The following KIF26A variants were observed in gnomAD, a reference collection of about 807,000 sequenced individuals.
The protein encoded by KIF26A is kinesin-like protein KIF26A.
In KIF26A, 74 loss-of-function variants were observed where a neutral mutation model predicts 126.0. The ratio of observed to expected loss-of-function variants is 0.59; its 90% confidence interval spans 0.49 to 0.71. The LOEUF (loss-of-function observed/expected upper bound fraction) is 0.71. KIF26A is among the 30% of genes least tolerant of loss of function. The probability of loss-of-function intolerance (pLI) is 0.00; values close to 1 mark genes in which losing one functional copy is unlikely to be tolerated. For synonymous variants in KIF26A, 1,445 were observed against 1,232.7 expected (o/e 1.17, Z -3.61); for missense variants, 2,984 against 2,763.3 (o/e 1.08, Z -1.79).
In KIF26A at chr14:104,177,089, G is replaced by T; in HGVS notation, c.4301G>T (p.Gly1434Val). ...GTAGAAGCAGCACACCGTCTTGCCGGACACGCGTCTCTGGAGCGGTACGAA... is the reference window on the plus strand; with the variant it reads ...GTAGAAGCAGCACACCGTCTTGCCGTACACGCGTCTCTGGAGCGGTACGAA... The part of the protein sequence containing the change: ...SKVEAAHRLA[G>V]HASLERYEGL... The change falls in exon 12 of 15, where the codon GGA becomes GTA. Residue 1434 changes from glycine to valine, a missense_variant. Coordinates refer to ENST00000423312, the MANE Select transcript of KIF26A (RefSeq NM_015656.2). 3.1e-6 allele frequency: 5 copies of T among 1,596,616 alleles called. No individual in the cohort carries two copies. Among genetic ancestry groups the T allele is most frequent in the Non-Finnish European group, 4.2e-6 (5 of 1,179,052 alleles).
chr14:104,174,181 C>T lies in KIF26A; in HGVS notation c.2064C>T (p.Ser688=). The T allele has an allele frequency of 6.3e-7, 1 of 1,589,950 alleles. No individual in the cohort carries two copies. The highest frequency in any genetic ancestry group is 1.3e-5 in the African/African-American group (1 of 74,418). The change falls in exon 11 of 15, where the codon TCC becomes TCT. Residue 688 remains serine, a synonymous_variant. Coordinates refer to ENST00000423312, the MANE Select transcript of KIF26A (RefSeq NM_015656.2). ...DHRLTMLLRE[S]LATAGCRTTM... ...GGCTCACCATGCTGCTGCGTGAATCCCTGGCCACCGCTGGCTGCCGCACCA... is the reference window on the plus strand; with the variant it reads ...GGCTCACCATGCTGCTGCGTGAATCTCTGGCCACCGCTGGCTGCCGCACCA...
intron 13 of KIF26A, 99 bp from the exon 14 acceptor site, chr14:104,179,137 G>T: frequency 7.7e-7 from 1 of 1,307,012 alleles, no homozygotes; most frequent in Non-Finnish European, 1.0e-6. Context: ...GCCTGCCAAG[G>T]CCTGGCAGGT....
In KIF26A at chr14:104,171,801, C is replaced by A. The variant is rs753212733; in HGVS notation, c.1192C>A (p.Pro398Thr). Residue 398 changes from proline to threonine, a missense_variant, in exon 6 of 15, where the codon CCT (proline) becomes ACT (threonine). Physicochemically the swap from Pro to Thr is conservative, Grantham distance 38. Transcript: ENST00000423312. ...AEAMSFLKVD[P>T]RKKQVILYDP... ...GGCCATGTCCTTCCTGAAGGTGGACCCTCGGAAGAAGCAGGTGATCCTCTA... is the reference window on the plus strand; with the variant it reads ...GGCCATGTCCTTCCTGAAGGTGGACACTCGGAAGAAGCAGGTGATCCTCTA... The A allele has an allele frequency of 2.8e-5, 44 of 1,570,734 alleles. No homozygotes were observed. Among genetic ancestry groups the A allele is most frequent in the Non-Finnish European group, 3.5e-5 (41 of 1,159,030 alleles).
chr14:104,174,117 G>T, intron 10 of KIF26A, 31 bp from the exon 11 acceptor site: 1 of 1,522,696 alleles, frequency 6.6e-7, no homozygotes. Flanking sequence ...CCTTCCCAAG[G>T]CCTTGGCATC....
chr14:104,167,600 T>C (rs1333066992), intron 5 of KIF26A, among the ~76,000 whole-genome samples: 1 of 152,106 alleles, frequency 6.6e-6, no homozygotes, highest in African/African-American at 2.4e-5. Context: ...GCTCTGAGCC[T>C]GGGGCCTGTG....
At chr14:104,167,877 C>G (rs2037921899) in intron 5 of KIF26A, among the ~76,000 whole-genome samples, 1 of 152,188 alleles carries the variant, frequency 6.6e-6, no homozygotes, top group African/African-American at 2.4e-5. Flanking sequence ...CCGGGAGGCT[C>G]TGTGCCCCAC....
Position 104,167,631 on chromosome 14 carries a change from G to A in KIF26A, c.1113+583G>A, listed in dbSNP as rs530852081. 1.7e-3 allele frequency among the ~76,000 whole-genome samples: 259 copies of A among 152,274 alleles called. 2 individuals are homozygous for A. Among genetic ancestry groups the A allele is most frequent in the African/African-American group, 2.9e-4 (12 of 41,572 alleles). ...CTGTGGCTTGCTGGTTGTGCCATCC[G>A]AGTCTCGGAGAAATACCTGCCCTGG... On this transcript the variant is annotated intron_variant, in intron 5 of 14. Coordinates refer to ENST00000423312, the MANE Select transcript of KIF26A (RefSeq NM_015656.2).
rs2487304 is a variant in KIF26A, at chr14:104,176,004, A to G, written c.3216A>G (p.Pro1072=). The G allele has an allele frequency of 0.73, 1,148,954 of 1,583,432 alleles. 418,369 individuals carry two copies. The highest frequency in any genetic ancestry group is 0.83 in the Middle Eastern group (5,012 of 6,030). ...GGGCCCTGGCCTCGGGGTCCCGGCCAGTCAGCATCATCAGCAGCATCAATG... is the reference window on the plus strand; with the variant it reads ...GGGCCCTGGCCTCGGGGTCCCGGCCGGTCAGCATCATCAGCAGCATCAATG... ...SLRALASGSR[P]VSIISSINDE... The change falls in exon 12 of 15, where the codon CCA becomes CCG. Residue 1072 remains proline, a synonymous_variant. Coordinates refer to ENST00000423312, the MANE Select transcript of KIF26A (RefSeq NM_015656.2).
intron 7 of KIF26A, 96 bp downstream of exon 7, chr14:104,172,764 C>G: frequency 8.7e-7 from 1 of 1,142,936 alleles, no homozygotes; most frequent in Non-Finnish European, 1.3e-6. Flanking sequence ...GGAAAGGAGG[C>G]TGGTCCTACA....
chr14:104,159,973 G>A (rs892467231), intron 4 of KIF26A, among the ~76,000 whole-genome samples: 9 of 152,116 alleles, frequency 5.9e-5, no homozygotes, highest in African/African-American at 1.4e-4. Context: ...TTCAGCCCCC[G>A]CCCCAGGGGT....
rs2037702096 is a variant in KIF26A at position 104,148,756 on chromosome 14, T to C, written c.289-3259T>C. On this transcript the variant is annotated intron_variant, in intron 2 of 14. Coordinates refer to ENST00000423312, the MANE Select transcript of KIF26A (RefSeq NM_015656.2). This position sits in a 1 kb window ranked among gnomAD's most constrained non-coding sequence, Gnocchi z 4.3. ...CTGGGGTCTGCTGTGCGGGGAGCAGTCAGTGGTGTGGGAGACCCTCGCCTT... is the reference window on the plus strand; with the variant it reads ...CTGGGGTCTGCTGTGCGGGGAGCAGCCAGTGGTGTGGGAGACCCTCGCCTT... Among the ~76,000 whole-genome samples the C allele has an allele frequency of 6.6e-6, 1 of 151,928 alleles. No individual in the cohort carries two copies. The highest frequency in any genetic ancestry group is 1.5e-5 in the Non-Finnish European group (1 of 67,962).
At chr14:104,170,804 G>A (rs940807563) in intron 5 of KIF26A, among the ~76,000 whole-genome samples, 4 of 152,266 alleles carry the variant, frequency 2.6e-5, no homozygotes, top group Admixed American at 6.5e-5. Context: ...TCTGGGCTCC[G>A]GCATCCTGGG....
chr14:104,150,146 CCCTCCT>C (rs1227743473), intron 2 of KIF26A, among the ~76,000 whole-genome samples: 1 of 119,304 alleles, frequency 8.4e-6, no homozygotes, highest in Admixed American at 8.4e-5. Context: ...GTCCCCCTCC[CCCTCCT>C]CCTCCTCCCC....
rs568257053 is a variant in KIF26A at position 104,179,709 on chromosome 14, G to A, written c.5568G>A (p.Ala1856=). 1.8e-4 allele frequency: 279 copies of A among 1,550,910 alleles called. 3 individuals are homozygous for A. The Middle Eastern group carries it at 4.0e-3, about 22-fold the overall frequency. The change falls in exon 15 of 15, where the codon GCG becomes GCA. Residue 1856 remains alanine, a synonymous_variant. Coordinates refer to ENST00000423312, the MANE Select transcript of KIF26A (RefSeq NM_015656.2). ...AGCAGTGCGTGAACCTGTGCAAGGC[G>A]CACGTCATGATGGTCACCTGCTTCG... The part of the protein sequence containing the change: ...ALEQCVNLCK[A]HVMMVTCFDI...
In KIF26A at chr14:104,179,651, T is replaced by TGGCGGCCCTGGAGCGAGCCAC. The variant is rs1409340064; in HGVS notation, c.5525_5545dup (p.Arg1842_Glu1848dup). ...CTGGAGCCCGAGTCGGCCGAGTACC[T>TGGCGGCCCTGGAGCGAGCCAC]GGCGGCCCTGGAGCGAGCCACGGCG... is the stretch of plus-strand genomic sequence containing the variant. On this transcript the variant is annotated inframe_insertion, in exon 15 of 15. Coordinates refer to ENST00000423312, the MANE Select transcript of KIF26A (RefSeq NM_015656.2). 3 of 1,545,746 alleles carry TGGCGGCCCTGGAGCGAGCCAC rather than the reference T, an allele frequency of 1.9e-6. No homozygotes were observed. The highest frequency in any genetic ancestry group is 2.6e-6 in the Non-Finnish European group (3 of 1,144,654).
rs2037845288 is a variant in KIF26A at position 104,162,791 on chromosome 14, C to T, written c.924-4068C>T. Among the ~76,000 whole-genome samples, 3 of 152,152 alleles carry T rather than the reference C, an allele frequency of 2.0e-5. No individual in the cohort carries two copies. In the South Asian group the frequency reaches 6.2e-4, roughly 32 times the overall value. On this transcript the variant is annotated intron_variant, in intron 4 of 14. Coordinates refer to ENST00000423312, the MANE Select transcript of KIF26A (RefSeq NM_015656.2). ...TGCTGGGCGTCCCCCACATCCATTT[C>T]CAGAGGAGGAAAGGGGTCCAGGGAG...
chr14:104,157,711 C>G lies in KIF26A; in HGVS notation c.736-44C>G, dbSNP rs762363561. 52 of 1,580,274 alleles carry G rather than the reference C, an allele frequency of 3.3e-5. No individual in the cohort carries two copies. In the East Asian group the frequency reaches 1.2e-3, roughly 36 times the overall value. ...TCCGGGTGCCAGGGGGCAGTGGTGT[C>G]TCTGCCCTTGCGTTCCTTATACGCA... On this transcript the variant is annotated intron_variant, in intron 3 of 14. Coordinates refer to ENST00000423312, the MANE Select transcript of KIF26A (RefSeq NM_015656.2).
intron 2 of KIF26A, among the ~76,000 whole-genome samples, chr14:104,144,001 C>T (rs1447286189): frequency 6.6e-6 from 1 of 152,182 alleles, no homozygotes; most frequent in Non-Finnish European, 1.5e-5. Flanking sequence ...GGGGAGGGAG[C>T]CTGGGGAAGG....
intron 5 of KIF26A, among the ~76,000 whole-genome samples, chr14:104,168,973 C>T (rs2037932618): frequency 6.6e-6 from 1 of 152,234 alleles, no homozygotes; most frequent in African/African-American, 2.4e-5. Context: ...GGCTCCTGAT[C>T]TCTGTGCGTG....
Sources: allele counts gnomAD v4.1 joint callset (sites outside exome capture counted in the v4.1 genomes callset), GRCh38; gene constraint gnomAD v4.1.1; non-coding constraint Gnocchi (gnomAD v3.1); transcripts MANE v1.5; gene names NCBI Gene and HGNC (gene_info 2026-07-23, HGNC 2026-07-21).